Variants in RUNX1 observed in about 807,000 individuals in gnomAD.
RUNX1 encodes runt-related transcription factor 1.
Under a neutral mutation model 42.8 loss-of-function variants are expected in RUNX1, and 19 were observed. The observed-to-expected ratio is 0.44, with a 90% CI of 0.31 to 0.65. The LOEUF is 0.65. Among genes scored for constraint, RUNX1 ranks in the 30% least tolerant of loss-of-function variants. The pLI is 0.07. For synonymous variants in RUNX1, 271 were observed against 289.4 expected (o/e 0.94, Z 0.64); for missense variants, 528 against 672.0 (o/e 0.79, Z 2.37).
intron 2 of RUNX1, among the ~76,000 whole-genome samples, chr21:34,982,088 A>G (rs2058850595): frequency 6.6e-6 from 1 of 152,208 alleles, no homozygotes; most frequent in Non-Finnish European, 1.5e-5. Flanking sequence ...AAGGCACTTC[A>G]TTTCATCCGC....
In RUNX1 at chr21:35,038,646, T is replaced by A. The variant is rs879153456; in HGVS notation, c.58+10196A>T. 4.8e-4 allele frequency: 214 copies of A among 444,930 alleles called. 1 individual carries two copies. Among genetic ancestry groups the A allele is most frequent in the East Asian group, 4.0e-3 (56 of 14,084 alleles). The allele number at this position is 444,930 out of a possible 1,614,324, so 27.6% of individuals were successfully genotyped here. On this transcript the variant is annotated intron_variant, in intron 2 of 8. Transcript: ENST00000675419. ...GTGTGTGTGTGTGTGTGTGTGTGTGTGAGATAGAGAGAGAGAGAGAGAGAG... is the reference window on the plus strand; with the variant it reads ...GTGTGTGTGTGTGTGTGTGTGTGTGAGAGATAGAGAGAGAGAGAGAGAGAG...
chr21:35,017,192 TA>T lies in RUNX1; in HGVS notation c.58+31649del, dbSNP rs551776733. Reference sequence around the variant, plus strand: ...TTCTTAGGGTAAGAAATGCCTTTGATAGGGGTAAAGCCTTTCTTTCCAGAGT... The same window carrying T: ...TTCTTAGGGTAAGAAATGCCTTTGATGGGGTAAAGCCTTTCTTTCCAGAGT... On this transcript the variant is annotated intron_variant, in intron 2 of 8. Coordinates refer to ENST00000675419, the MANE Select transcript of RUNX1 (RefSeq NM_001754.5). 9.9e-5 allele frequency among the ~76,000 whole-genome samples: 15 copies of T among 152,260 alleles called. 1 individual carries two copies. The South Asian group carries it at 2.9e-3, about 29-fold the overall frequency.
At chr21:34,826,433 T>C (rs1241376927) in intron 7 of RUNX1, among the ~76,000 whole-genome samples, 3 of 100,352 alleles carry the variant, frequency 3.0e-5, no homozygotes, top group African/African-American at 8.5e-5. Context: ...TTTCTTTCTT[T>C]CTTTTTTTTT....
chr21:35,021,146 T>C (rs1166072605), intron 2 of RUNX1, among the ~76,000 whole-genome samples: 3 of 152,232 alleles, frequency 2.0e-5, no homozygotes, highest in Non-Finnish European at 4.4e-5. Flanking sequence ...AATTGAACCA[T>C]GGAGCCAGAA....
chr21:34,826,223 C>T (rs56062024), intron 7 of RUNX1, among the ~76,000 whole-genome samples: 1,807 of 152,212 alleles, frequency 0.012, 25 homozygotes, highest in Non-Finnish European at 0.018. Flanking sequence ...ATTCTGCCCT[C>T]ATAAATGGAT....
intron 2 of RUNX1, among the ~76,000 whole-genome samples, chr21:34,963,169 G>A (rs527835120): frequency 2.0e-5 from 3 of 152,256 alleles, no homozygotes; most frequent in African/African-American, 7.2e-5. Context: ...AAACGCCCAC[G>A]AAGAACCTAG....
intron 4 of RUNX1, among the ~76,000 whole-genome samples, chr21:34,885,946 G>A (rs2057978623): frequency 6.6e-6 from 1 of 152,164 alleles, no homozygotes; most frequent in Non-Finnish European, 1.5e-5. Flanking sequence ...GTTTAGAAAC[G>A]CCTGGGGTTG....
intron 2 of RUNX1, among the ~76,000 whole-genome samples, chr21:34,975,876 A>C (rs1333140823): frequency 6.6e-6 from 1 of 152,110 alleles, no homozygotes. Flanking sequence ...TGTTGAAGTG[A>C]AGAGTTTATA....
chr21:34,966,081 T>C (rs528510098), intron 2 of RUNX1, among the ~76,000 whole-genome samples: 1 of 152,324 alleles, frequency 6.6e-6, no homozygotes, highest in South Asian at 2.1e-4. Flanking sequence ...CATAGTGCTC[T>C]TGCATTTCTT....
intron 3 of RUNX1, chr21:34,888,634 G>A (rs1017430435): frequency 5.7e-6 from 6 of 1,054,136 alleles, no homozygotes; most frequent in Non-Finnish European, 6.9e-6. Context: ...GCAGCGTGGT[G>A]CCCTGGCTGG....
intron 2 of RUNX1, among the ~76,000 whole-genome samples, chr21:35,031,607 G>T (rs1397174660): frequency 6.6e-6 from 1 of 152,004 alleles, no homozygotes; most frequent in African/African-American, 2.4e-5. Flanking sequence ...CCAAGATAAA[G>T]AATCAGCCTA....
chr21:34,820,900 A>G (rs1387839207), intron 7 of RUNX1, among the ~76,000 whole-genome samples: 1 of 152,200 alleles, frequency 6.6e-6, no homozygotes, highest in Non-Finnish European at 1.5e-5. Flanking sequence ...CTGGGCCAGG[A>G]GCCAGAAAAC....
intron 5 of RUNX1, among the ~76,000 whole-genome samples, chr21:34,878,415 T>C (rs2057848845): frequency 6.6e-6 from 1 of 150,552 alleles, no homozygotes; most frequent in Admixed American, 6.6e-5. Context: ...AGACCAACAA[T>C]ATTCATATCC....
chr21:35,002,125 T>TTAC (rs961674008), intron 2 of RUNX1, among the ~76,000 whole-genome samples: 4 of 151,852 alleles, frequency 2.6e-5, no homozygotes, highest in African/African-American at 9.7e-5. Flanking sequence ...ATTATTATTA[T>TTAC]TACTATTTTT....
chr21:34,887,242 TGGGGGGGGGCGGGGGTGG>T, intron 3 of RUNX1, 146 bp from the exon 4 acceptor site: 1 of 295,696 alleles, frequency 3.4e-6, no homozygotes, highest in South Asian at 1.4e-4. Context: ...CTGCGGGGGG[TGGGGGGGGGCGGGGGTGG>T]TTAGGGGAGG....
rs1012564805 is a variant in RUNX1, at chr21:35,026,792, G to A, written c.58+22050C>T. On this transcript the variant is annotated intron_variant, in intron 2 of 8. Coordinates refer to ENST00000675419, the MANE Select transcript of RUNX1 (RefSeq NM_001754.5). ...CAGAAAGCAACAGCCAGAAACGGCG[G>A]GGACGCGAGCGGCCCAGACAGGAAG... Among the ~76,000 whole-genome samples, 5 of 152,222 alleles carry A rather than the reference G, an allele frequency of 3.3e-5. No homozygotes were observed. In the East Asian group the frequency reaches 9.7e-4, roughly 29 times the overall value.
intron 2 of RUNX1, among the ~76,000 whole-genome samples, chr21:34,910,279 T>A (rs1041061767): frequency 2.6e-5 from 4 of 152,180 alleles, no homozygotes; most frequent in Non-Finnish European, 5.9e-5. Context: ...TTTCTCCACC[T>A]TCTCCTCACT....
chr21:35,035,506 A>T (rs931290313), intron 2 of RUNX1, among the ~76,000 whole-genome samples: 1 of 152,074 alleles, frequency 6.6e-6, no homozygotes, highest in African/African-American at 2.4e-5. Context: ...TTTTTGCTTC[A>T]TTTTATTTTT....
intron 7 of RUNX1, among the ~76,000 whole-genome samples, chr21:34,822,808 G>A (rs1469584739): frequency 6.6e-6 from 1 of 152,184 alleles, no homozygotes; most frequent in Non-Finnish European, 1.5e-5. Flanking sequence ...AATGGAGTGA[G>A]AGTGGCCACA....
Sources: allele counts gnomAD v4.1 joint callset (sites outside exome capture counted in the v4.1 genomes callset), GRCh38; gene constraint gnomAD v4.1.1; transcripts MANE v1.5; gene names NCBI Gene and HGNC (gene_info 2026-07-23, HGNC 2026-07-21).